The following MDGA2 variants were observed in gnomAD, a reference collection of about 807,000 sequenced individuals.
MDGA2 encodes MAM domain-containing glycosylphosphatidylinositol anchor protein 2.
MDGA2 carries 40 observed loss-of-function variants against 117.8 expected under a neutral mutation model. The observed-to-expected ratio is 0.34, with a 90% CI of 0.26 to 0.44. MDGA2 has a LOEUF of 0.44. MDGA2 is among the 20% of genes least tolerant of loss of function. The pLI is 1.00. For synonymous variants in MDGA2, 452 were observed against 439.0 expected, an observed-to-expected ratio of 1.03 and a Z score of -0.37; for missense variants, 1,123 against 1,250.6, an observed-to-expected ratio of 0.90 and a Z score of 1.54.
At chr14:47,511,692 T>C (rs1167701464) in intron 1 of MDGA2, among the ~76,000 whole-genome samples, 1 of 152,202 alleles carries the variant, frequency 6.6e-6, no homozygotes, top group Non-Finnish European at 1.5e-5. Flanking sequence ...TTTAAAATTT[T>C]TGTATATTGC....
At chr14:47,213,942 G>A (rs1885983515) in intron 3 of MDGA2, among the ~76,000 whole-genome samples, 2 of 152,092 alleles carry the variant, frequency 1.3e-5, no homozygotes, top group Admixed American at 1.3e-4. Context: ...GCCGTGCTGA[G>A]CACAGAATGG....
chr14:47,155,996 G>T (rs1305975005), intron 3 of MDGA2, among the ~76,000 whole-genome samples: 1 of 128,940 alleles, frequency 7.8e-6, no homozygotes, highest in Non-Finnish European at 1.6e-5. Context: ...TGCAACCTCC[G>T]CCTCCCAGGT....
intron 1 of MDGA2, among the ~76,000 whole-genome samples, chr14:47,323,440 A>G (rs1004246712): frequency 1.3e-5 from 2 of 151,828 alleles, no homozygotes; most frequent in African/African-American, 2.4e-5. Flanking sequence ...AGCCTGGCCA[A>G]TATGGAGAAA....
chr14:47,577,035 G>A (rs1896128817), intron 1 of MDGA2, among the ~76,000 whole-genome samples: 1 of 152,096 alleles, frequency 6.6e-6, no homozygotes, highest in Admixed American at 6.6e-5. Context: ...ACAAGCACGA[G>A]CCACCATGCC....
chr14:47,112,319 T>C (rs1322336554), intron 5 of MDGA2, among the ~76,000 whole-genome samples: 1 of 152,124 alleles, frequency 6.6e-6, no homozygotes, highest in Non-Finnish European at 1.5e-5. Context: ...TGTGCCATGG[T>C]GGTTTTCTGC....
intron 1 of MDGA2, among the ~76,000 whole-genome samples, chr14:47,370,815 T>A (rs1201674310): frequency 3.3e-5 from 5 of 151,620 alleles, no homozygotes; most frequent in African/African-American, 1.2e-4. Context: ...AAATAATACA[T>A]CCTCTTCTGT....
chr14:46,869,479 C>T (rs1881914401), intron 14 of MDGA2, among the ~76,000 whole-genome samples: 1 of 151,154 alleles, frequency 6.6e-6, no homozygotes, highest in Admixed American at 6.6e-5. Flanking sequence ...TGTTGTATCA[C>T]TTACATATAA....
At chr14:47,333,561 T>C (rs1890353260) in intron 1 of MDGA2, among the ~76,000 whole-genome samples, 1 of 151,866 alleles carries the variant, frequency 6.6e-6, no homozygotes, top group South Asian at 2.1e-4. Flanking sequence ...ATTTGTTTCA[T>C]AATATTATTT....
intron 1 of MDGA2, among the ~76,000 whole-genome samples, chr14:47,473,878 T>A (rs1893780555): frequency 6.6e-6 from 1 of 152,150 alleles, no homozygotes; most frequent in African/African-American, 2.4e-5. Flanking sequence ...AATATCATAC[T>A]GAATGGGTAA....
chr14:47,303,908 G>A (rs139594170), intron 1 of MDGA2, among the ~76,000 whole-genome samples: 102 of 152,082 alleles, frequency 6.7e-4, no homozygotes, highest in African/African-American at 2.3e-3. Context: ...CAAATAAGTA[G>A]CTTTATTTAA....
rs185064101 is a variant in MDGA2 at position 47,274,658 on chromosome 14, C to A, written c.420+26753G>T. 2.2e-3 allele frequency among the ~76,000 whole-genome samples: 339 copies of A among 152,218 alleles called. 2 individuals are homozygous for A. Among genetic ancestry groups the A allele is most frequent in the African/African-American group, 7.6e-3 (315 of 41,522 alleles). On this transcript the variant is annotated intron_variant, in intron 2 of 16. Coordinates refer to ENST00000399232, the MANE Select transcript of MDGA2 (RefSeq NM_001113498.3). ...CTTTTTGAGGAATTCTCAAATAGTT[C>A]TTCAAGGTGGCTGCATCATTTTTTA... is the stretch of plus-strand genomic sequence containing the variant.
intron 7 of MDGA2, among the ~76,000 whole-genome samples, chr14:47,036,269 C>T (rs1439450980): frequency 4.3e-4 from 23 of 54,090 alleles, no homozygotes; most frequent in Non-Finnish European, 1.0e-4. Context: ...GACTCTGTCT[C>T]CAAAAAAAAA....
At chr14:47,654,301 G>T (rs1375215825) in intron 1 of MDGA2, among the ~76,000 whole-genome samples, 1 of 152,068 alleles carries the variant, frequency 6.6e-6, no homozygotes, top group Non-Finnish European at 1.5e-5. Flanking sequence ...CGATCATCAG[G>T]TTCCTATGGA....
chr14:46,882,350 G>A (rs1283281295), intron 10 of MDGA2, 129 bp from the exon 11 acceptor site: 2 of 719,214 alleles, frequency 2.8e-6, no homozygotes, highest in Non-Finnish European at 4.2e-6. Context: ...TATTATTAAA[G>A]TTCAAGTTTC....
At chr14:47,366,048 G>C (rs148972819) in intron 1 of MDGA2, among the ~76,000 whole-genome samples, 1 of 152,120 alleles carries the variant, frequency 6.6e-6, no homozygotes, top group Non-Finnish European at 1.5e-5. Flanking sequence ...AAGAAAAGGC[G>C]GAAAATCCTA....
intron 1 of MDGA2, among the ~76,000 whole-genome samples, chr14:47,306,774 C>T (rs2139827958): frequency 6.6e-6 from 1 of 151,602 alleles, no homozygotes; most frequent in Admixed American, 6.6e-5. Context: ...GCTGTGCCAG[C>T]ATTACTCATG....
At chr14:47,312,470 G>T (rs1015196970) in intron 1 of MDGA2, among the ~76,000 whole-genome samples, 1 of 152,090 alleles carries the variant, frequency 6.6e-6, no homozygotes, top group Admixed American at 6.6e-5. Context: ...CTTCTAAGAA[G>T]TGTCATTAAT....
At chr14:47,387,568 A>G (rs997444991) in intron 1 of MDGA2, among the ~76,000 whole-genome samples, 6 of 152,218 alleles carry the variant, frequency 3.9e-5, no homozygotes, top group Non-Finnish European at 2.9e-5. Flanking sequence ...AAAGATAAAA[A>G]TTAGAAGTTG....
At chr14:47,646,459 G>A (rs1448943670) in intron 1 of MDGA2, among the ~76,000 whole-genome samples, 1 of 152,146 alleles carries the variant, frequency 6.6e-6, no homozygotes, top group Non-Finnish European at 1.5e-5. Flanking sequence ...GTGGAAAAGT[G>A]ATTGAAAATG....
Sources: allele counts gnomAD v4.1 joint callset (sites outside exome capture counted in the v4.1 genomes callset), GRCh38; gene constraint gnomAD v4.1.1; transcripts MANE v1.5; gene names NCBI Gene and HGNC (gene_info 2026-07-23, HGNC 2026-07-21).